The following ORC3 variants were observed in gnomAD, a reference collection of about 807,000 sequenced individuals.
The protein encoded by ORC3 is homolog of latheo, Drosophila.
A neutral mutation model predicts 100.7 loss-of-function variants in ORC3; 78 were observed. The observed-to-expected ratio is 0.77, with a 90% confidence interval of 0.65 to 0.94. ORC3 has a LOEUF of 0.94. ORC3 is among the 40% of genes least tolerant of loss of function. ORC3 has a pLI of 0.00. For synonymous variants in ORC3, 295 were observed against 289.3 expected (o/e 1.02, Z -0.20); for missense variants, 789 against 823.9 (o/e 0.96, Z 0.52).
chr6:87,675,398 A>C, the ORC3 span: 1 of 638,916 alleles, frequency 1.6e-6, no homozygotes, highest in Non-Finnish European at 2.8e-6. Flanking sequence ...CAGGTAGCAA[A>C]GGTCCACATC....
chr6:87,616,197 A>G (rs765130599), intron 8 of ORC3, 117 bp from the exon 9 acceptor site: 15 of 443,806 alleles, frequency 3.4e-5, no homozygotes, highest in Non-Finnish European at 5.8e-5. Flanking sequence ...CTATTATTGC[A>G]GCTTTCATAG....
chr6:87,622,543 T>C (rs1779610613), intron 11 of ORC3, among the ~76,000 whole-genome samples: 1 of 152,100 alleles, frequency 6.6e-6, no homozygotes. Flanking sequence ...AAGGAGGGCT[T>C]CTTTCTTGAA....
At chr6:87,616,271 G>C (rs778561240) in intron 8 of ORC3, 43 bp from the exon 9 acceptor site, 1 of 721,160 alleles carries the variant, frequency 1.4e-6, no homozygotes, top group Non-Finnish European at 2.5e-6. Context: ...GAAGAGTGAA[G>C]ACTAACAAGG....
chr6:87,651,622 C>T (rs1026858050), intron 13 of ORC3, among the ~76,000 whole-genome samples: 1 of 152,074 alleles, frequency 6.6e-6, no homozygotes, highest in Non-Finnish European at 1.5e-5. Context: ...TAAAAAAACC[C>T]TGTGGAAATT....
chr6:87,591,943 C>T (rs1017768721), intron 1 of ORC3, among the ~76,000 whole-genome samples: 1 of 152,128 alleles, frequency 6.6e-6, no homozygotes, highest in Admixed American at 6.5e-5. Flanking sequence ...GTTGGCCAGG[C>T]GGGTCTCGAA....
the ORC3 span, among the ~76,000 whole-genome samples, chr6:87,674,099 G>A: frequency 6.6e-6 from 1 of 151,874 alleles, no homozygotes; most frequent in African/African-American, 2.4e-5. Flanking sequence ...TCAGGAGTTC[G>A]AGACCAGCCT....
chr6:87,625,970 A>T (rs1041337125), intron 11 of ORC3, among the ~76,000 whole-genome samples: 1 of 152,062 alleles, frequency 6.6e-6, no homozygotes, highest in African/African-American at 2.4e-5. Flanking sequence ...TGTTTTTGTC[A>T]GGTTTGTCAA....
chr6:87,629,282 G>A (rs1780138191), intron 11 of ORC3, among the ~76,000 whole-genome samples: 3 of 152,116 alleles, frequency 2.0e-5, no homozygotes, highest in South Asian at 4.1e-4. Flanking sequence ...TTAATGATCA[G>A]TGAATTGATT....
At chr6:87,598,814 GA>G (rs757052025) in intron 2 of ORC3, among the ~76,000 whole-genome samples, 65 of 152,324 alleles carry the variant, frequency 4.3e-4, no homozygotes, top group Admixed American at 7.8e-4. Context: ...TTCAGTTGTT[GA>G]AACAGATTGA....
chr6:87,640,001 A>G (rs1768119700), intron 13 of ORC3, among the ~76,000 whole-genome samples: 1 of 152,080 alleles, frequency 6.6e-6, no homozygotes, highest in Non-Finnish European at 1.5e-5. Flanking sequence ...TCTCAAAAAT[A>G]TACATATAAA....
At chr6:87,628,767 G>A (rs1414606453) in intron 11 of ORC3, among the ~76,000 whole-genome samples, 1 of 152,162 alleles carries the variant, frequency 6.6e-6, no homozygotes, top group Non-Finnish European at 1.5e-5. Flanking sequence ...TCATGAGTTT[G>A]ATGAAGACCT....
intron 1 of ORC3, among the ~76,000 whole-genome samples, chr6:87,591,803 C>T (rs552693799): frequency 1.2e-4 from 19 of 152,138 alleles, no homozygotes; most frequent in African/African-American, 4.6e-4. Flanking sequence ...GCGATCTCGG[C>T]TCACTGCAAC....
rs535959010 is a variant in ORC3, at chr6:87,661,850, C to T, written c.1692-1153C>T. On this transcript the variant is annotated intron_variant, in intron 16 of 19. Transcript: ENST00000392844. ...ATGGGTTATGTGTGCCAAAGCTTCT[C>T]CCCTCCAATTTGCCACCCTCCAGGC... is the stretch of plus-strand genomic sequence containing the variant. Among the ~76,000 whole-genome samples, 4 of 152,264 alleles carry T rather than the reference C, an allele frequency of 2.6e-5. 1 individual carries two copies. Among genetic ancestry groups the T allele is most frequent in the Admixed American group, 2.6e-4 (4 of 15,302 alleles).
chr6:87,664,670 G>C, intron 17 of ORC3, 73 bp from the exon 18 acceptor site: 3 of 1,176,710 alleles, frequency 2.5e-6, no homozygotes, highest in Non-Finnish European at 3.8e-6. Flanking sequence ...TAGGTTGGGG[G>C]CTTCATTAAT....
At chr6:87,631,721 A>G (rs996065329) in intron 11 of ORC3, among the ~76,000 whole-genome samples, 2 of 151,388 alleles carry the variant, frequency 1.3e-5, no homozygotes, top group Non-Finnish European at 2.9e-5. Context: ...TTGAACTCTG[A>G]CCTCAGGTGA....
intron 4 of ORC3, 121 bp from the exon 5 acceptor site, chr6:87,605,796 G>A: frequency 1.7e-6 from 1 of 593,866 alleles, no homozygotes; most frequent in Admixed American, 3.0e-5. Flanking sequence ...TATTTCCTTG[G>A]TTTCTGTTAT....
At chr6:87,606,429 T>C (rs565403967) in intron 5 of ORC3, among the ~76,000 whole-genome samples, 6 of 152,282 alleles carry the variant, frequency 3.9e-5, no homozygotes, top group Admixed American at 1.3e-4. Context: ...TGTCCCACTT[T>C]GAAAAGCCAC....
At chr6:87,608,446 C>T (rs1721105529) in intron 6 of ORC3, among the ~76,000 whole-genome samples, 1 of 151,994 alleles carries the variant, frequency 6.6e-6, no homozygotes, top group South Asian at 2.1e-4. Flanking sequence ...TGTAGCCAGA[C>T]AGTATGGGAA....
chr6:87,629,757 A>G (rs544073633), intron 11 of ORC3, among the ~76,000 whole-genome samples: 14 of 152,122 alleles, frequency 9.2e-5, no homozygotes, highest in African/African-American at 3.4e-4. Context: ...CTGTATATAC[A>G]TGTGTACCTA....
Sources: gnomAD v4.1 joint callset for allele counts (sites outside exome capture counted in the v4.1 genomes callset) on GRCh38, gnomAD v4.1.1 for gene constraint, MANE v1.5 for transcripts, NCBI Gene and HGNC (gene_info 2026-07-23, HGNC 2026-07-21) for gene names.